Variants in FHOD3 observed in about 807,000 individuals in gnomAD.
FHOD3 encodes FH1/FH2 domain-containing protein 3.
In FHOD3, 90 loss-of-function variants were observed where a neutral mutation model predicts 173.0. The observed-to-expected ratio is 0.52, with a 90% confidence interval of 0.44 to 0.62. FHOD3 has a LOEUF of 0.62. Ranked by LOEUF, FHOD3 falls within the 20% of genes least tolerant of loss-of-function variation. The pLI is 0.00. For synonymous variants in FHOD3, 828 were observed against 823.0 expected, an observed-to-expected ratio of 1.01 and a Z score of -0.10; for missense variants, 1,945 against 2,034.7, an observed-to-expected ratio of 0.96 and a Z score of 0.85.
At chr18:36,598,445 G>A (rs2030832454) in intron 7 of FHOD3, among the ~76,000 whole-genome samples, 1 of 152,222 alleles carries the variant, frequency 6.6e-6, no homozygotes, top group African/African-American at 2.4e-5. Context: ...TGCAGTGTGG[G>A]CAATTTGGTC....
At chr18:36,716,942 GTGTGTGTGTGTA>G (rs1395209767) in intron 18 of FHOD3, among the ~76,000 whole-genome samples, 3 of 151,736 alleles carry the variant, frequency 2.0e-5, no homozygotes, top group African/African-American at 7.3e-5. Flanking sequence ...GTGTGTGTGT[GTGTGTGTGTGTA>G]TGTGTTAATG....
intron 3 of FHOD3, among the ~76,000 whole-genome samples, chr18:36,391,916 G>A (rs2048319149): frequency 6.6e-6 from 1 of 152,162 alleles, no homozygotes; most frequent in Admixed American, 6.5e-5. Flanking sequence ...ATGCCACAGG[G>A]AAAATGGCTT....
chr18:36,694,753 TGAGAGGGAATTGACA>T (rs369801234), intron 17 of FHOD3, among the ~76,000 whole-genome samples: 171 of 152,338 alleles, frequency 1.1e-3, no homozygotes, highest in African/African-American at 3.8e-3. Context: ...AGCTCCGAGC[TGAGAGGGAATTGACA>T]GTGTCTGTAA....
chr18:36,534,334 G>A (rs745878291), intron 5 of FHOD3, among the ~76,000 whole-genome samples: 9 of 152,140 alleles, frequency 5.9e-5, no homozygotes, highest in Admixed American at 1.3e-4. Context: ...AGTGTCTCAT[G>A]GCCAGCTGTG....
intron 10 of FHOD3, among the ~76,000 whole-genome samples, chr18:36,647,026 C>T (rs1476099184): frequency 2.0e-5 from 3 of 152,122 alleles, no homozygotes; most frequent in African/African-American, 7.2e-5. Context: ...CACCTGAGGT[C>T]GGGAGTTTGA....
rs917112071 is a variant in FHOD3 at position 36,693,278 on chromosome 18, G to T, written c.2091G>T (p.Arg697=). The change falls in exon 17 of 29, where the codon CGG becomes CGT. Residue 697 remains arginine, a synonymous_variant. Transcript: ENST00000590592. Reference sequence around the variant, plus strand: ...AGCTGAGAAGCCGGAGTGTGAGCCGGGGCAGAGCCGACCTCTCCTTGGACC... The same window carrying T: ...AGCTGAGAAGCCGGAGTGTGAGCCGTGGCAGAGCCGACCTCTCCTTGGACC... ...EKELRSRSVS[R]GRADLSLDLT... is the part of the protein sequence containing the mutation. 6.2e-7 allele frequency: 1 copy of T among 1,613,814 alleles called. No homozygotes were observed. The highest frequency in any genetic ancestry group is 8.5e-7 in the Non-Finnish European group (1 of 1,179,834).
At chr18:36,372,839 C>G in intron 3 of FHOD3, 95 bp downstream of exon 3, 4 of 1,038,736 alleles carry the variant, frequency 3.9e-6, no homozygotes, top group Non-Finnish European at 5.8e-6. Flanking sequence ...TCTGTTTGCA[C>G]TAGCCCCTAT....
chr18:36,430,162 G>A (rs958724610), intron 3 of FHOD3, among the ~76,000 whole-genome samples: 3 of 152,186 alleles, frequency 2.0e-5, no homozygotes, highest in Non-Finnish European at 4.4e-5. Context: ...TAAATTACAG[G>A]TTATTTCATT....
chr18:36,485,080 T>C (rs1164761713), intron 3 of FHOD3, among the ~76,000 whole-genome samples: 1 of 152,114 alleles, frequency 6.6e-6, no homozygotes, highest in East Asian at 1.9e-4. Context: ...CACTTGAGCA[T>C]TTGGGGGTGG....
chr18:36,653,790 T>C (rs1220541770), intron 13 of FHOD3, among the ~76,000 whole-genome samples: 2 of 152,234 alleles, frequency 1.3e-5, no homozygotes, highest in Non-Finnish European at 2.9e-5. Flanking sequence ...CTAATGACCA[T>C]TTCATCTTAG....
chr18:36,301,515 A>G (rs2091956651), intron 1 of FHOD3, among the ~76,000 whole-genome samples: 1 of 152,220 alleles, frequency 6.6e-6, no homozygotes, highest in Non-Finnish European at 1.5e-5. Context: ...ATCAGGTGCC[A>G]TATTCTCATT....
Position 36,407,940 on chromosome 18 carries a change from T to C in FHOD3, c.337+35196T>C, listed in dbSNP as rs568735766. 2.4e-3 allele frequency among the ~76,000 whole-genome samples: 364 copies of C among 152,342 alleles called. 2 individuals carry two copies. Among genetic ancestry groups the C allele is most frequent in the African/African-American group, 8.5e-3 (352 of 41,588 alleles). On this transcript the variant is annotated intron_variant, in intron 3 of 28. Transcript: ENST00000590592. ...GTTACATAGTTTTCAAGCTGCACAA[T>C]CCTTTCTCATATGATATAGGGAGTA... is the stretch of plus-strand genomic sequence containing the variant.
intron 14 of FHOD3, among the ~76,000 whole-genome samples, chr18:36,677,739 C>T (rs1172105812): frequency 2.6e-5 from 4 of 152,054 alleles, no homozygotes; most frequent in East Asian, 1.9e-4. Flanking sequence ...AACCTCAGGT[C>T]CTGTGTAAAA....
chr18:36,495,757 A>G (rs78668740), intron 3 of FHOD3, among the ~76,000 whole-genome samples: 474 of 152,268 alleles, frequency 3.1e-3, no homozygotes, highest in Non-Finnish European at 5.2e-3. Context: ...GCACACACAC[A>G]CACCCACATA....
intron 17 of FHOD3, among the ~76,000 whole-genome samples, chr18:36,698,475 G>A (rs950845201): frequency 6.6e-6 from 1 of 152,282 alleles, no homozygotes; most frequent in African/African-American, 2.4e-5. Flanking sequence ...AGTTGGTAAA[G>A]AAGAGCATTA....
intron 5 of FHOD3, among the ~76,000 whole-genome samples, chr18:36,565,414 C>A (rs945136665): frequency 6.6e-6 from 1 of 152,148 alleles, no homozygotes; most frequent in East Asian, 1.9e-4. Flanking sequence ...TTTCAGAGCT[C>A]CTGTGTTCTA....
chr18:36,353,950 A>G (rs1303577981), intron 1 of FHOD3, among the ~76,000 whole-genome samples: 1 of 143,712 alleles, frequency 7.0e-6, no homozygotes, highest in Non-Finnish European at 1.5e-5. Flanking sequence ...GCTCCTCTGC[A>G]TCTGGCCATA....
intron 3 of FHOD3, among the ~76,000 whole-genome samples, chr18:36,435,113 T>TC (rs962402986): frequency 2.0e-5 from 3 of 151,746 alleles, no homozygotes; most frequent in Admixed American, 2.0e-4. Flanking sequence ...TTTTTTTTTT[T>TC]TTTCTGGTCA....
Position 36,760,748 on chromosome 18 carries a change from G to A in FHOD3, c.4590G>A (p.Ala1530=), listed in dbSNP as rs1186858193. 7.4e-6 allele frequency: 12 copies of A among 1,612,126 alleles called. No homozygotes were observed. The highest frequency in any genetic ancestry group is 6.7e-5 in the Admixed American group (4 of 59,958). Residue 1530 remains alanine (A), a synonymous_variant, in exon 27 of 29, where the codon GCG becomes GCA. Transcript: ENST00000590592. ...SSPSVEDATP[A]LGVRTRSRAS... ...CCTCCGTGGAGGACGCCACCCCCGC[G>A]CTGGGCGTCCGCACACGCAGCCGAG...
Sources: gnomAD v4.1 joint callset for allele counts (sites outside exome capture counted in the v4.1 genomes callset) on GRCh38, gnomAD v4.1.1 for gene constraint, MANE v1.5 for transcripts, NCBI Gene and HGNC (gene_info 2026-07-23, HGNC 2026-07-21) for gene names.